Variants in TRMT44 observed in about 807,000 individuals in gnomAD.
TRMT44 encodes probable tRNA (uracil-O(2)-)-methyltransferase.
A neutral mutation model predicts 77.3 loss-of-function variants in TRMT44; 78 were observed. The observed-to-expected ratio is 1.01, with a 90% CI of 0.84 to 1.22. TRMT44 has a LOEUF of 1.22. Among genes scored for constraint, TRMT44 ranks in the 50% most tolerant of loss-of-function variants. TRMT44 has a pLI of 0.00. For missense variants in TRMT44, 1,090 were observed against 964.4 expected (o/e 1.13, Z -1.73); for synonymous variants, 391 against 383.3 (o/e 1.02, Z -0.23).
At chr4:8,463,291 A>G (rs371668105) in intron 6 of TRMT44, among the ~76,000 whole-genome samples, 8 of 152,320 alleles carry the variant, frequency 5.3e-5, no homozygotes, top group African/African-American at 1.7e-4. Context: ...TGTTGATTTC[A>G]GTAATTAGTG....
chr4:8,460,843 A>G (rs76804904), intron 6 of TRMT44, among the ~76,000 whole-genome samples: 3,945 of 151,120 alleles, frequency 0.026, 93 homozygotes, highest in African/African-American at 0.066. Flanking sequence ...GAGCCACCAC[A>G]CGCAGCCCCC....
chr4:8,451,971 A>T lies in TRMT44; in HGVS notation c.966A>T (p.Glu322Asp). Residue 322 changes from glutamate (E) to aspartate (D), a missense_variant, in exon 4 of 11, where the codon GAA (glutamate) becomes GAT (aspartate). Physicochemically the swap from Glu to Asp is conservative, Grantham distance 45. Transcript: ENST00000389737. This position sits in a 1 kb window ranked among gnomAD's most constrained non-coding sequence, Gnocchi z 4.1. ...KYKEMVKVWP[E>D]VTDPEKFVYE... ...TGAAACTGTTTTAGGTGTGGCCTGA[A>T]GTCACTGATCCTGAGAAGTTCGTGT... The T allele has an allele frequency of 1.3e-6, 2 of 1,536,772 alleles. 1 individual carries two copies. The highest frequency in any genetic ancestry group is 2.4e-5 in the South Asian group (2 of 84,062).
chr4:8,471,273 T>A, intron 10 of TRMT44, 73 bp downstream of exon 10: 1 of 1,072,756 alleles, frequency 9.3e-7, no homozygotes, highest in Non-Finnish European at 1.4e-6. Context: ...AATGTTTTAT[T>A]TTAGAGTGGT....
the TRMT44 span, among the ~76,000 whole-genome samples, chr4:8,501,231 G>T: frequency 6.6e-6 from 1 of 152,216 alleles, no homozygotes; most frequent in African/African-American, 2.4e-5. This position sits in a 1 kb window ranked among gnomAD's most constrained non-coding sequence, Gnocchi z 4.4. Flanking sequence ...GAGGTGGCCT[G>T]TGGTGGAGCT....
chr4:8,493,154 A>T (rs549583177), intron 2 of TRMT44: 1 of 152,352 alleles, frequency 6.6e-6, no homozygotes, highest in Admixed American at 6.5e-5. Flanking sequence ...CAAATTTGCC[A>T]TGAGATTAGA....
chr4:8,458,811 C>T (rs1014340326), intron 6 of TRMT44, among the ~76,000 whole-genome samples: 1 of 152,026 alleles, frequency 6.6e-6, no homozygotes, highest in African/African-American at 2.4e-5. Flanking sequence ...GTATATAATA[C>T]ACAAAATGTG....
the TRMT44 span, among the ~76,000 whole-genome samples, chr4:8,500,614 A>T: frequency 6.6e-6 from 1 of 151,790 alleles, no homozygotes; most frequent in South Asian, 2.1e-4. Flanking sequence ...GTCTGAATGA[A>T]GCCAGTCTTG....
intron 10 of TRMT44, among the ~76,000 whole-genome samples, chr4:8,471,761 A>G (rs1268305158): frequency 6.6e-6 from 1 of 152,200 alleles, no homozygotes; most frequent in Non-Finnish European, 1.5e-5. Context: ...GGGAGGCAGG[A>G]GGGCCCTCCA....
At chr4:8,448,986 G>A (rs917677661) in intron 2 of TRMT44, among the ~76,000 whole-genome samples, 24 of 152,190 alleles carry the variant, frequency 1.6e-4, no homozygotes, top group Admixed American at 1.6e-3. Context: ...CCCCTTCCCT[G>A]TGCTGCCCCA....
At chr4:8,467,448 T>C (rs1423093801) in intron 8 of TRMT44, among the ~76,000 whole-genome samples, 3 of 152,278 alleles carry the variant, frequency 2.0e-5, no homozygotes, top group South Asian at 2.1e-4. Context: ...AAGTTACTTA[T>C]ATTGGTGTCA....
intron 2 of TRMT44, among the ~76,000 whole-genome samples, chr4:8,491,522 G>T (rs1728004229): frequency 6.6e-6 from 1 of 152,252 alleles, no homozygotes; most frequent in Admixed American, 6.5e-5. Context: ...GGAGGCTCAG[G>T]CATGGCGGGC....
At chr4:8,459,401 C>G in intron 6 of TRMT44, among the ~76,000 whole-genome samples, 1 of 152,316 alleles carries the variant, frequency 6.6e-6, no homozygotes, top group Non-Finnish European at 1.5e-5. Flanking sequence ...GGTTGATTCT[C>G]TTATTATCCC....
At chr4:8,503,488 G>A in the TRMT44 span, among the ~76,000 whole-genome samples, 3 of 152,190 alleles carry the variant, frequency 2.0e-5, no homozygotes, top group Non-Finnish European at 2.9e-5. Flanking sequence ...CACAGCACTC[G>A]GTCCCAGAGG....
the TRMT44 span, chr4:8,510,745 G>C: frequency 6.5e-6 from 1 of 152,676 alleles, no homozygotes; most frequent in African/African-American, 2.4e-5. Flanking sequence ...TGGAGCTGGT[G>C]GGGGAAGCTG....
rs1725071023 is a variant in TRMT44 at position 8,446,524 on chromosome 4, AG to A, written c.672del (p.Asn225ThrfsTer2). The A allele has an allele frequency of 3.9e-6, 6 of 1,536,440 alleles. No homozygotes were observed. In the African/African-American group the frequency reaches 8.2e-5, roughly 21 times the overall value. On this transcript the variant is annotated frameshift_variant, in exon 2 of 11. Transcript: ENST00000389737. LOFTEE classifies it high-confidence loss of function. This position sits in a 1 kb window ranked among gnomAD's most constrained non-coding sequence, Gnocchi z 4.3. The part of the protein sequence containing the change: ...ITFLPLEEDD[E>X]GNLKVKMSNV... ...TTTTTGCCTTTGGAAGAAGATGATG[AG>A]GGGAACCTAAAGGTTAAGATGAGCA... is the stretch of plus-strand genomic sequence containing the variant.
rs1472725915 is a variant in TRMT44, at chr4:8,446,590, GGTAAGA to G, written c.734+2_734+7del. On this transcript the variant is annotated splice_donor_variant and splice_donor_5th_base_variant and intron_variant, in intron 2 of 10. Transcript: ENST00000389737. LOFTEE classifies it high-confidence loss of function. The surrounding 1 kb of genome is among the most constrained non-coding windows in gnomAD (Gnocchi z 4.3). ...CAGCTCAGTCATAGCAAAGAAGAAT[GGTAAGA>G]GCTGGACAGTGGACTCCTAGTTTTA... 2.6e-6 allele frequency: 4 copies of G among 1,524,554 alleles called. No individual in the cohort carries two copies. In the Admixed American group the frequency reaches 7.9e-5, roughly 30 times the overall value. 94.4% of individuals were successfully genotyped at this position (1,524,554 alleles called of 1,614,324 possible). A position where few individuals can be genotyped will look rare whatever the true frequency, so the allele number is the denominator to read the frequency against.
In TRMT44 at chr4:8,446,376, T is replaced by C; in HGVS notation, c.620-100T>C. 1 of 738,754 alleles carries C rather than the reference T, an allele frequency of 1.4e-6. No individual in the cohort carries two copies. The highest frequency in any genetic ancestry group is 1.7e-5 in the South Asian group (1 of 57,478). 45.8% of individuals were successfully genotyped at this position (738,754 alleles called of 1,614,324 possible). On this transcript the variant is annotated intron_variant, in intron 1 of 10. Transcript: ENST00000389737. This position sits in a 1 kb window ranked among gnomAD's most constrained non-coding sequence, Gnocchi z 4.3. The stretch of plus-strand genomic sequence containing the variant: ...CATTGTGAATAGAGTGCTGGGGGAT[T>C]GAAAGCATCGTGCTTGACTCATCCC...
In TRMT44 at chr4:8,485,840, G is replaced by A. The variant is rs1727786472; in HGVS notation, n.3891+6307G>A. On this transcript the variant is annotated intron_variant and non_coding_transcript_variant, in intron 2 of 2. Coordinates refer to the TRMT44 transcript ENST00000511366. The stretch of plus-strand genomic sequence containing the variant: ...GGCACCAGAGTGGGGGAGTTTTCAG[G>A]GGTTTTGAAGCTTGGCTGTCAATAC... 2.6e-5 allele frequency among the ~76,000 whole-genome samples: 4 copies of A among 152,224 alleles called. No homozygotes were observed. In the South Asian group the frequency reaches 8.3e-4, roughly 32 times the overall value.
At chr4:8,494,424 C>T (rs554060299), downstream of TRMT44, among the ~76,000 whole-genome samples, 24 of 152,258 alleles carry the variant, frequency 1.6e-4, no homozygotes, top group Admixed American at 4.6e-4. Flanking sequence ...CTGTGCCCTA[C>T]GTTTGTTTTA....
Sources: allele counts gnomAD v4.1 joint callset (sites outside exome capture counted in the v4.1 genomes callset), GRCh38; gene constraint gnomAD v4.1.1; non-coding constraint Gnocchi (gnomAD v3.1); transcripts MANE v1.5; gene names NCBI Gene and HGNC (gene_info 2026-07-23, HGNC 2026-07-21).